Variants in COMT observed in about 807,000 individuals in gnomAD.
COMT encodes the protein catechol-O-methyltransferase.
Under a neutral mutation model 18.9 loss-of-function variants are expected in COMT, and 13 were observed. The ratio of observed to expected loss-of-function variants is 0.69; its 90% CI spans 0.45 to 1.09. The LOEUF (loss-of-function observed/expected upper bound fraction) is 1.09, where lower values mean the gene tolerates loss of function less well. COMT is among the 50% of genes least tolerant of loss of function. The probability of loss-of-function intolerance (pLI) is 0.00; values close to 1 mark genes in which losing one functional copy is unlikely to be tolerated. For synonymous variants in COMT, 150 were observed against 160.9 expected (o/e 0.93, Z 0.51); for missense variants, 329 against 361.8 (o/e 0.91, Z 0.73).
chr22:19,961,669 A>T (rs952100060), intron 2 of COMT: 4 of 152,176 alleles, frequency 2.6e-5, no homozygotes, highest in African/African-American at 4.8e-5. Flanking sequence ...GCCCTAGAAG[A>T]AGTTTCCTTG....
At chr22:19,968,416 C>A in intron 5 of COMT, 120 bp from the exon 6 acceptor site, 1 of 983,232 alleles carries the variant, frequency 1.0e-6, no homozygotes, top group Non-Finnish European at 1.6e-6. Flanking sequence ...GGAAACCTGG[C>A]CCCAGGGGCT....
chr22:19,952,704 G>A (rs1941971522), intron 1 of COMT, among the ~76,000 whole-genome samples: 1 of 151,064 alleles, frequency 6.6e-6, no homozygotes, highest in African/African-American at 2.4e-5. Flanking sequence ...TGTAATCCCA[G>A]CACTTTGGGA....
chr22:19,969,746 C>T lies in COMT; in HGVS notation c.*1010C>T. Reference sequence around the variant, plus strand: ...GCCCAAGTGGACAAGTTTGGGGCCACCCAGGGACCAGAAACAGAGCCTCTG... The same window carrying T: ...GCCCAAGTGGACAAGTTTGGGGCCATCCAGGGACCAGAAACAGAGCCTCTG... On this transcript the variant is annotated 3_prime_UTR_variant, in exon 6 of 6. Coordinates refer to ENST00000361682, the MANE Select transcript of COMT (RefSeq NM_000754.4). 2.4e-6 allele frequency: 2 copies of T among 842,236 alleles called. No individual in the cohort carries two copies. Among genetic ancestry groups the T allele is most frequent in the Non-Finnish European group, 2.9e-6 (2 of 699,510 alleles). The allele number at this position is 842,236 out of a possible 1,614,324, so 52.2% of individuals were successfully genotyped here. A position where few individuals can be genotyped will look rare whatever the true frequency, so the allele number is the denominator to read the frequency against.
intron 1 of COMT, among the ~76,000 whole-genome samples, chr22:19,946,910 GTTTTTTTTTTTTTT>G (rs35689277): frequency 8.5e-6 from 1 of 117,120 alleles, no homozygotes; most frequent in Non-Finnish European, 1.7e-5. Flanking sequence ...TTTTTTTTTA[GTTTTTTTTTTTTTT>G]TTTTTTTTTG....
At chr22:19,957,715 A>T (rs1188786209) in intron 1 of COMT, among the ~76,000 whole-genome samples, 2 of 152,216 alleles carry the variant, frequency 1.3e-5, no homozygotes, top group Admixed American at 6.5e-5. Context: ...GGGCACGATC[A>T]TGCCTGCCCT....
At chr22:19,945,574 A>G (rs1316980714) in intron 1 of COMT, among the ~76,000 whole-genome samples, 2 of 90,686 alleles carry the variant, frequency 2.2e-5, no homozygotes, top group African/African-American at 6.6e-5. Flanking sequence ...AGGCCGGAAG[A>G]AAAAGATAAT....
intron 1 of COMT, among the ~76,000 whole-genome samples, chr22:19,946,771 A>G (rs1286482892): frequency 1.3e-5 from 2 of 152,206 alleles, no homozygotes; most frequent in Non-Finnish European, 2.9e-5. Context: ...TTGCTGTTAT[A>G]TGAGGACATG....
intron 1 of COMT, among the ~76,000 whole-genome samples, chr22:19,958,595 A>AAT (rs1033364034): frequency 9.3e-5 from 12 of 129,110 alleles, no homozygotes; most frequent in Admixed American, 1.5e-4. Context: ...AAAAAAAAAA[A>AAT]GCCAGCTGGG....
At chr22:19,957,787 G>A (rs1298450887) in intron 1 of COMT, among the ~76,000 whole-genome samples, 1 of 152,196 alleles carries the variant, frequency 6.6e-6, no homozygotes, top group Non-Finnish European at 1.5e-5. Flanking sequence ...TGGACCTCAC[G>A]GGGGTCTCAT....
intron 5 of COMT, chr22:19,967,393 AT>A (rs61143203): frequency 0.11 from 42,551 of 385,838 alleles, 939 homozygotes; most frequent in East Asian, 0.37. Context: ...TTGCTAGGAC[AT>A]TTTTTTTTTT....
intron 1 of COMT, among the ~76,000 whole-genome samples, chr22:19,950,335 T>A (rs545497036): frequency 6.7e-6 from 1 of 148,804 alleles, no homozygotes; most frequent in East Asian, 2.1e-4. Flanking sequence ...TCCACTTACC[T>A]TGGCCTCCCA....
At chr22:19,942,204 G>T (rs1012387251) in intron 1 of COMT, among the ~76,000 whole-genome samples, 40 of 152,204 alleles carry the variant, frequency 2.6e-4, no homozygotes, top group Admixed American at 2.6e-3. Flanking sequence ...AGACTGGGTT[G>T]GGGGTCCAGA....
At chr22:19,967,355 G>A (rs546104104) in intron 5 of COMT, 55 of 554,316 alleles carry the variant, frequency 9.9e-5, no homozygotes, top group Non-Finnish European at 1.7e-4. Context: ...CCCGGGTGGC[G>A]CTTTGTTCTA....
rs9332365 is a variant in COMT at position 19,963,187 on chromosome 22, G to T, written c.289+372G>T. Among the ~76,000 whole-genome samples the T allele has an allele frequency of 6.4e-3, 976 of 152,262 alleles. 9 individuals carry two copies. Among genetic ancestry groups the T allele is most frequent in the African/African-American group, 0.023 (938 of 41,556 alleles). Reference sequence around the variant, plus strand: ...GCACAGGATGTGTTACCGGGCTCACGGAGTGACTCAGGGAACTAGTGCCGC... The same window carrying T: ...GCACAGGATGTGTTACCGGGCTCACTGAGTGACTCAGGGAACTAGTGCCGC... On this transcript the variant is annotated intron_variant, in intron 3 of 5. Transcript: ENST00000361682.
intron 1 of COMT, chr22:19,950,898 T>G (rs1054919766): frequency 6.6e-6 from 1 of 152,048 alleles, no homozygotes; most frequent in Non-Finnish European, 1.5e-5. Flanking sequence ...CTGATTAAAG[T>G]AGCGCAGAGG....
intron 1 of COMT, among the ~76,000 whole-genome samples, chr22:19,947,206 G>C (rs1386583325): frequency 1.3e-5 from 2 of 152,058 alleles, no homozygotes; most frequent in Non-Finnish European, 2.9e-5. Context: ...GTGAGTCACC[G>C]CGTCCGGCCC....
At chr22:19,950,261 T>TTTTTTTTTTTTTTTTTTAG (rs763598655) in intron 1 of COMT, among the ~76,000 whole-genome samples, 1 of 132,722 alleles carries the variant, frequency 7.5e-6, no homozygotes, top group Admixed American at 8.2e-5. Context: ...TTTTTTTTTT[T>TTTTTTTTTTTTTTTTTTAG]TTCTGTAGAG....
rs3788320 is a variant in COMT, at chr22:19,942,398, G to A, written c.-92+501G>A. Among the ~76,000 whole-genome samples the A allele has an allele frequency of 9.2e-5, 14 of 152,186 alleles. No homozygotes were observed. The East Asian group carries it at 2.3e-3, about 25-fold the overall frequency. ...GAGGGCCTTGGTGACTTCTCCAACA[G>A]GCTCCCTGTTGGAGGCCTTGGGGTA... On this transcript the variant is annotated intron_variant, in intron 1 of 5. Coordinates refer to ENST00000361682, the MANE Select transcript of COMT (RefSeq NM_000754.4).
At position 19,954,761 on chromosome 22, in the gene COMT, G is replaced by A. The variant is rs563567650; in HGVS notation, c.-91-6438G>A. Among the ~76,000 whole-genome samples, 8 of 152,242 alleles carry A rather than the reference G, an allele frequency of 5.3e-5. No individual in the cohort carries two copies. In the East Asian group the frequency reaches 9.7e-4, roughly 18 times the overall value. ...AGCCACCGTGCCTGGTTGATTGTGC[G>A]TTCTGATAAAGCTTCATTTACAGAA... On this transcript the variant is annotated intron_variant, in intron 1 of 5. Transcript: ENST00000361682.
Sources: allele counts gnomAD v4.1 joint callset (sites outside exome capture counted in the v4.1 genomes callset), GRCh38; gene constraint gnomAD v4.1.1; transcripts MANE v1.5; gene names NCBI Gene and HGNC (gene_info 2026-07-23, HGNC 2026-07-21).